Variants in FSCN2 observed in about 807,000 individuals in gnomAD.
The protein encoded by FSCN2 is fascin-2.
A neutral mutation model predicts 37.8 loss-of-function variants in FSCN2; 46 were observed. That is an observed-to-expected ratio of 1.22 (90% confidence interval 0.96 to 1.56). The LOEUF is 1.56. FSCN2 is among the 40% of genes most tolerant of loss of function. The probability of loss-of-function intolerance (pLI) is 0.00; values close to 1 mark genes in which losing one functional copy is unlikely to be tolerated. For synonymous variants in FSCN2, 351 were observed against 309.4 expected (o/e 1.13, Z -1.41); for missense variants, 844 against 730.4 (o/e 1.16, Z -1.79).
chr17:81,515,229 G>T, the FSCN2 span, among the ~76,000 whole-genome samples: 1 of 152,186 alleles, frequency 6.6e-6, no homozygotes, highest in African/African-American at 2.4e-5. Flanking sequence ...AGGTCGCGCG[G>T]GGCCTGTCCT....
chr17:81,525,684 C>T (rs1032634516), upstream of FSCN2, among the ~76,000 whole-genome samples: 2 of 152,162 alleles, frequency 1.3e-5, no homozygotes, highest in Non-Finnish European at 2.9e-5. Flanking sequence ...AAGATTGTGC[C>T]ATTGCACTCC....
intron 1 of FSCN2, among the ~76,000 whole-genome samples, chr17:81,531,327 G>GAGA (rs2032565075): frequency 9.6e-6 from 1 of 103,824 alleles, no homozygotes; most frequent in Admixed American, 9.3e-5. Flanking sequence ...GATGATGGTG[G>GAGA]TGGTGGTGAT....
At chr17:81,532,622 GGTGA>G (rs2032731030) in intron 1 of FSCN2, among the ~76,000 whole-genome samples, 2 of 143,358 alleles carry the variant, frequency 1.4e-5, no homozygotes, top group African/African-American at 5.6e-5. Context: ...TGATGATAAT[GGTGA>G]TGATGGTGAT....
In FSCN2 at chr17:81,536,943, G is replaced by A. The variant is rs775137956; in HGVS notation, c.1342G>A (p.Asp448Asn). The A allele has an allele frequency of 1.3e-6, 2 of 1,570,422 alleles. No individual in the cohort carries two copies. The highest frequency in any genetic ancestry group is 1.2e-5 in the South Asian group (1 of 86,482). ...SVCSDGERAEDFVFEFRERGR... is the reference protein window; with the variant it reads ...SVCSDGERAENFVFEFRERGR... ...GTGCAGCGACGGCGAACGCGCCGAG[G>A]ACTTCGTCTTCGAGTTCCGTGAGCG... is the stretch of plus-strand genomic sequence containing the variant. The change falls in exon 5 of 5, where the codon GAC becomes AAC. Residue 448 changes from aspartate to asparagine, a missense_variant. Physicochemically the swap from Asp to Asn is conservative, Grantham distance 23. Coordinates refer to ENST00000417245, the MANE Select transcript of FSCN2 (RefSeq NM_012418.4).
chr17:81,532,410 GTGA>G (rs1217716266), intron 1 of FSCN2, among the ~76,000 whole-genome samples: 5 of 138,174 alleles, frequency 3.6e-5, no homozygotes, highest in Non-Finnish European at 7.7e-5. Flanking sequence ...GATAGTGATG[GTGA>G]TGATGGTGAT....
chr17:81,529,460 G>A (rs963162136), intron 1 of FSCN2, 103 bp downstream of exon 1: 31 of 940,810 alleles, frequency 3.3e-5, no homozygotes, highest in Middle Eastern at 2.2e-4. Context: ...GTGTCTGTGC[G>A]TTCACATGTC....
chr17:81,524,993 T>G, upstream of FSCN2, among the ~76,000 whole-genome samples: 1 of 151,934 alleles, frequency 6.6e-6, no homozygotes, highest in African/African-American at 2.4e-5. Flanking sequence ...CCCGGCCCTG[T>G]GCTGGGGTCC....
chr17:81,521,363 C>CTTTTT, the FSCN2 span, among the ~76,000 whole-genome samples: 1 of 134,658 alleles, frequency 7.4e-6, no homozygotes, highest in African/African-American at 2.8e-5. Context: ...CCAAGCCCAG[C>CTTTTT]TTTTTTTTTT....
In FSCN2 at chr17:81,528,405, C is replaced by G. The variant is rs1598568289; in HGVS notation, c.-127C>G. 1.0e-5 allele frequency: 7 copies of G among 696,422 alleles called. No homozygotes were observed. Among genetic ancestry groups the G allele is most frequent in the Admixed American group, 5.3e-5 (2 of 37,822 alleles). 43.1% of individuals were successfully genotyped at this position (696,422 alleles called of 1,614,324 possible). ...GGCGGGTCAGAGCAGGCAGGGGGTT[C>G]GTGACGCCGGCTGGGTCTGGGGGCT... On this transcript the variant is annotated 5_prime_UTR_variant, in exon 1 of 5. Coordinates refer to ENST00000417245, the MANE Select transcript of FSCN2 (RefSeq NM_012418.4).
rs373896178 is a variant in FSCN2, at chr17:81,529,733, T to C, written c.826+376T>C. On this transcript the variant is annotated intron_variant, in intron 1 of 4. Coordinates refer to ENST00000417245, the MANE Select transcript of FSCN2 (RefSeq NM_012418.4). The stretch of plus-strand genomic sequence containing the variant: ...AGGCCCACAGCCTGGCCTGGTGCCA[T>C]GAGGGGCATGTGGGCAGGAGGCTGT... The C allele has an allele frequency of 3.2e-4, 159 of 501,158 alleles. 1 individual carries two copies. In the East Asian group the frequency reaches 7.7e-3, roughly 24 times the overall value. 31.0% of individuals were successfully genotyped at this position (501,158 alleles called of 1,614,324 possible). A position where few individuals can be genotyped will look rare whatever the true frequency, so the allele number is the denominator to read the frequency against.
the FSCN2 span, among the ~76,000 whole-genome samples, chr17:81,516,916 C>G: frequency 7.1e-6 from 1 of 140,304 alleles, no homozygotes; most frequent in Non-Finnish European, 1.7e-5. Flanking sequence ...ACCTGGTCCC[C>G]AGACCAGGTC....
intron 1 of FSCN2, chr17:81,530,231 G>A (rs960993735): frequency 1.8e-5 from 5 of 271,872 alleles, no homozygotes; most frequent in African/African-American, 9.4e-5. Context: ...TCAGGAGTGG[G>A]GGGGCTTAAG....
upstream of FSCN2, among the ~76,000 whole-genome samples, chr17:81,528,028 C>T (rs764183254): frequency 2.0e-5 from 3 of 151,976 alleles, no homozygotes; most frequent in Admixed American, 2.0e-4. Context: ...GAGCCGTGAG[C>T]GTTCCACTGG....
At chr17:81,520,322 C>A in the FSCN2 span, among the ~76,000 whole-genome samples, 1 of 152,174 alleles carries the variant, frequency 6.6e-6, no homozygotes, top group Non-Finnish European at 1.5e-5. Flanking sequence ...TCACACCATG[C>A]CCAGGGAAGG....
chr17:81,530,773 G>A (rs781987302), intron 1 of FSCN2: 2 of 330,426 alleles, frequency 6.1e-6, no homozygotes, highest in South Asian at 2.2e-5. Context: ...TCCTGCACCT[G>A]CAGTTGGCAT....
chr17:81,529,425 T>TG (rs1400942234), intron 1 of FSCN2, 68 bp downstream of exon 1: 7 of 1,225,282 alleles, frequency 5.7e-6, no homozygotes, highest in African/African-American at 1.5e-5. Flanking sequence ...GAGGAGGCCG[T>TG]GGGGGTCTCA....
Position 81,528,707 on chromosome 17 carries a change from T to C in FSCN2, c.176T>C (p.Leu59Pro). ...GACCCAGGACAAGGCACGGCTGTGC[T>C]GCTCCGCAGCAGCCACCTGGGCCGC... ...EPDPGQGTAV[L>P]LRSSHLGRYL... The change falls in exon 1 of 5, where the codon CTG becomes CCG. Residue 59 changes from leucine to proline, a missense_variant. Coordinates refer to ENST00000417245, the MANE Select transcript of FSCN2 (RefSeq NM_012418.4). 1 of 1,599,992 alleles carries C rather than the reference T, an allele frequency of 6.3e-7. No homozygotes were observed. Among genetic ancestry groups the C allele is most frequent in the Non-Finnish European group, 8.5e-7 (1 of 1,174,394 alleles).
chr17:81,529,260 C>G lies in FSCN2; in HGVS notation c.729C>G (p.Asn243Lys). The G allele has an allele frequency of 1.3e-6, 2 of 1,596,148 alleles. No homozygotes were observed. Among genetic ancestry groups the G allele is most frequent in the Non-Finnish European group, 1.7e-6 (2 of 1,169,054 alleles). ...GPAGTLKAGR[N>K]TRPGKDELFD... is the part of the protein sequence containing the mutation. ...CAGGCACCCTCAAGGCCGGCCGAAACACGCGACCTGGCAAGGATGAGCTCT... is the reference window on the plus strand; with the variant it reads ...CAGGCACCCTCAAGGCCGGCCGAAAGACGCGACCTGGCAAGGATGAGCTCT... The change falls in exon 1 of 5, where the codon AAC becomes AAG. Residue 243 changes from asparagine to lysine, a missense_variant. By Grantham distance (94) the Asn-to-Lys change is moderately conservative. Transcript: ENST00000417245.
At chr17:81,528,149 G>A (rs1328382385), upstream of FSCN2, among the ~76,000 whole-genome samples, 5 of 152,320 alleles carry the variant, frequency 3.3e-5, no homozygotes, top group Admixed American at 2.6e-4. Flanking sequence ...CGTGAAGAGG[G>A]GCGCTGGGCC....
Sources: allele counts gnomAD v4.1 joint callset (sites outside exome capture counted in the v4.1 genomes callset), GRCh38; gene constraint gnomAD v4.1.1; transcripts MANE v1.5; gene names NCBI Gene and HGNC (gene_info 2026-07-23, HGNC 2026-07-21).